Variants in PALS1 observed in about 807,000 individuals in gnomAD.
PALS1 encodes protein associated with LIN7 1, MAGUK p55 family member.
PALS1 carries 31 observed loss-of-function variants against 78.9 expected under a neutral mutation model. The ratio of observed to expected loss-of-function variants is 0.39; its 90% confidence interval spans 0.30 to 0.53. PALS1 has a LOEUF of 0.53. Ranked by LOEUF, PALS1 falls within the 20% of genes least tolerant of loss-of-function variation. PALS1 has a pLI of 0.67. For synonymous variants in PALS1, 276 were observed against 270.9 expected (o/e 1.02, Z -0.18); for missense variants, 704 against 826.5 (o/e 0.85, Z 1.82).
chr14:67,276,053 C>G lies in PALS1; in HGVS notation c.-153-2965C>G, dbSNP rs537102524. 1.3e-4 allele frequency among the ~76,000 whole-genome samples: 20 copies of G among 152,154 alleles called. No homozygotes were observed. The South Asian group carries it at 4.2e-3, about 32-fold the overall frequency. The stretch of plus-strand genomic sequence containing the variant: ...CTAGTAGTCTATCAATTTTGTTGAT[C>G]TTTTCAAAAAATCAGCTCCTGGATT... On this transcript the variant is annotated intron_variant, in intron 2 of 14. Coordinates refer to ENST00000261681, the MANE Select transcript of PALS1 (RefSeq NM_022474.4).
At chr14:67,311,586 A>T (rs1279636493) in intron 8 of PALS1, among the ~76,000 whole-genome samples, 1 of 152,200 alleles carries the variant, frequency 6.6e-6, no homozygotes, top group East Asian at 1.9e-4. Flanking sequence ...GAAATTAAAG[A>T]GAATTTTAAT....
chr14:67,317,567 C>A, intron 11 of PALS1, 88 bp downstream of exon 11: 1 of 807,468 alleles, frequency 1.2e-6, no homozygotes, highest in Non-Finnish European at 1.9e-6. Flanking sequence ...TAAATATGTG[C>A]TTGAGAAAAT....
intron 1 of PALS1, among the ~76,000 whole-genome samples, chr14:67,255,607 G>T (rs2084133271): frequency 6.6e-6 from 1 of 152,124 alleles, no homozygotes; most frequent in Non-Finnish European, 1.5e-5. Flanking sequence ...AATTGCTTAG[G>T]GCTTGAGAGA....
Position 67,296,585 on chromosome 14 carries a change from C to CAAAAAAAAAAAAAAAAAAAAAAAAAAAA in PALS1, c.576+3867_576+3894dup, listed in dbSNP as rs374329692. Among the ~76,000 whole-genome samples the CAAAAAAAAAAAAAAAAAAAAAAAAAAAA allele has an allele frequency of 3.9e-5, 2 of 51,000 alleles. 1 individual carries two copies. The highest frequency in any genetic ancestry group is 9.2e-5 in the African/African-American group (2 of 21,634). The allele number at this position is 51,000 out of a possible 152,430, so 33.5% of individuals were successfully genotyped here. Reference sequence around the variant, plus strand: ...TGGGCAACAGAGTGAAACTCTGTCTCAAAAAAAAAAAAAAAAAAAAAAAAA... The same window carrying CAAAAAAAAAAAAAAAAAAAAAAAAAAAA: ...TGGGCAACAGAGTGAAACTCTGTCTCAAAAAAAAAAAAAAAAAAAAAAAAAAAAAAAAAAAAAAAAAAAAAAAAAAAAA... On this transcript the variant is annotated intron_variant, in intron 4 of 14. Coordinates refer to ENST00000261681, the MANE Select transcript of PALS1 (RefSeq NM_022474.4).
At chr14:67,301,271 T>C (rs2140888838) in intron 4 of PALS1, 118 bp from the exon 5 acceptor site, 2 of 506,794 alleles carry the variant, frequency 3.9e-6, no homozygotes, top group Non-Finnish European at 6.9e-6. Flanking sequence ...TTAGTGATTT[T>C]ATTTCTTACA....
At chr14:67,277,107 GAA>G (rs1752878542) in intron 2 of PALS1, among the ~76,000 whole-genome samples, 1 of 152,148 alleles carries the variant, frequency 6.6e-6, no homozygotes, top group Admixed American at 6.5e-5. Flanking sequence ...TACTTGTAAT[GAA>G]AACATTTAAA....
At chr14:67,324,887 C>A (rs921929861) in intron 14 of PALS1, among the ~76,000 whole-genome samples, 1 of 148,124 alleles carries the variant, frequency 6.8e-6, no homozygotes, top group Non-Finnish European at 1.5e-5. Flanking sequence ...CCACGCCCAG[C>A]CTTCCTTTCA....
chr14:67,246,813 A>C (rs1361999757), intron 1 of PALS1, among the ~76,000 whole-genome samples: 1 of 151,978 alleles, frequency 6.6e-6, no homozygotes, highest in Non-Finnish European at 1.5e-5. Context: ...CACCACGCCC[A>C]GCTAATTTTT....
rs74058406 is a variant in PALS1, at chr14:67,244,051, A to T, written c.-237+2518A>T. On this transcript the variant is annotated intron_variant, in intron 1 of 14. Coordinates refer to ENST00000261681, the MANE Select transcript of PALS1 (RefSeq NM_022474.4). ...CTCAGGATGTCTCATTGTTAGATAAACCAATAAGTTGCCTTTTCCAAATCA... is the reference window on the plus strand; with the variant it reads ...CTCAGGATGTCTCATTGTTAGATAATCCAATAAGTTGCCTTTTCCAAATCA... Among the ~76,000 whole-genome samples, 493 of 152,296 alleles carry T rather than the reference A, an allele frequency of 3.2e-3. 2 individuals carry two copies. The highest frequency in any genetic ancestry group is 5.4e-3 in the Non-Finnish European group (364 of 68,024).
At chr14:67,273,750 G>C (rs150267784) in intron 2 of PALS1, among the ~76,000 whole-genome samples, 84 of 152,342 alleles carry the variant, frequency 5.5e-4, no homozygotes, top group African/African-American at 1.9e-3. Context: ...CAGTGTAAAA[G>C]TGTTCCTGTT....
At chr14:67,274,080 C>T (rs1342214280) in intron 2 of PALS1, among the ~76,000 whole-genome samples, 10 of 152,142 alleles carry the variant, frequency 6.6e-5, no homozygotes, top group Non-Finnish European at 1.0e-4. Context: ...GTTGCCTGTT[C>T]ACTCTGATGG....
chr14:67,306,303 A>G (rs1294856112), intron 8 of PALS1, among the ~76,000 whole-genome samples: 4 of 151,724 alleles, frequency 2.6e-5, no homozygotes, highest in Admixed American at 1.3e-4. Context: ...TCTTTTCAGA[A>G]TAGAGTGATG....
intron 8 of PALS1, among the ~76,000 whole-genome samples, chr14:67,306,537 T>G (rs372223441): frequency 5.6e-5 from 8 of 142,320 alleles, no homozygotes; most frequent in South Asian, 2.2e-4. Context: ...GTGTGTGTGT[T>G]TGTGTATTTT....
chr14:67,321,241 T>C lies in PALS1; in HGVS notation c.1722T>C (p.Leu574=), dbSNP rs2085259899. ...RQVINSGKIC[L]LSLRTQSLKT... ...TGATCAACTCTGGCAAAATATGTCT[T>C]TTAAGTCTTCGTACACAGGTAAAGC... is the stretch of plus-strand genomic sequence containing the variant. Residue 574 remains leucine (L), a synonymous_variant, in exon 13 of 15, where the codon CTT becomes CTC. Transcript: ENST00000261681. The C allele has an allele frequency of 6.2e-7, 1 of 1,614,176 alleles. No individual in the cohort carries two copies. Among genetic ancestry groups the C allele is most frequent in the Non-Finnish European group, 8.5e-7 (1 of 1,180,032 alleles).
At chr14:67,326,450 A>C (rs1218769996) in intron 14 of PALS1, among the ~76,000 whole-genome samples, 1 of 151,750 alleles carries the variant, frequency 6.6e-6, no homozygotes, top group East Asian at 1.9e-4. Flanking sequence ...TTGATTTTCT[A>C]ATTAGAACTT....
intron 3 of PALS1, among the ~76,000 whole-genome samples, chr14:67,280,792 TTTCCTTCCTTCCTTCCTTCCTTCCTTCC>T (rs781369868): frequency 1.3e-5 from 1 of 77,604 alleles, no homozygotes; most frequent in African/African-American, 4.9e-5. Context: ...TCTGGAGCAG[TTTCCTTCCTTCCTTCCTTCCTTCCTTCC>T]TTCCTTCCTT....
chr14:67,328,631 A>G (rs944786963), intron 14 of PALS1, among the ~76,000 whole-genome samples: 2 of 152,162 alleles, frequency 1.3e-5, no homozygotes, highest in Non-Finnish European at 2.9e-5. Context: ...TAAGTCTTTA[A>G]TCCATCTTGA....
chr14:67,321,174 A>G lies in PALS1; in HGVS notation c.1655A>G (p.Glu552Gly). 1 of 1,614,220 alleles carries G rather than the reference A, an allele frequency of 6.2e-7. No homozygotes were observed. The highest frequency in any genetic ancestry group is 1.1e-5 in the South Asian group (1 of 91,082). ...AAGTTCATTGAGCATGGTGAATTTGAGAAGAATTTGTATGGAACTAGCATA... is the reference window on the plus strand; with the variant it reads ...AAGTTCATTGAGCATGGTGAATTTGGGAAGAATTTGTATGGAACTAGCATA... ...AGKFIEHGEF[E>G]KNLYGTSIDS... The change falls in exon 13 of 15, where the codon GAG (glutamate) becomes GGG (glycine). Residue 552 changes from glutamate to glycine, a missense_variant. Glu to Gly is a moderately conservative substitution (Grantham distance 98). Transcript: ENST00000261681.
intron 4 of PALS1, among the ~76,000 whole-genome samples, chr14:67,294,018 A>G (rs896871260): frequency 1.3e-5 from 2 of 152,230 alleles, no homozygotes; most frequent in Non-Finnish European, 2.9e-5. Flanking sequence ...TGAGAAAAGC[A>G]AAGAACTAAA....
Sources: allele counts gnomAD v4.1 joint callset (sites outside exome capture counted in the v4.1 genomes callset), GRCh38; gene constraint gnomAD v4.1.1; transcripts MANE v1.5; gene names NCBI Gene and HGNC (gene_info 2026-07-23, HGNC 2026-07-21).